The following PKIB variants were observed in gnomAD, a reference collection of about 807,000 sequenced individuals.
PKIB encodes the protein PKI-beta.
In PKIB, 2 loss-of-function variants were observed where a neutral mutation model predicts 4.5. The observed-to-expected ratio is 0.44, with a 90% CI of 0.18 to 1.39. PKIB has a LOEUF of 1.39. Ranked by LOEUF, PKIB falls within the 40% of genes most tolerant of loss-of-function variation. PKIB has a pLI of 0.27. For synonymous variants in PKIB, 38 were observed against 36.0 expected, an observed-to-expected ratio of 1.06 and a Z score of -0.20; for missense variants, 94 against 92.6, an observed-to-expected ratio of 1.02 and a Z score of -0.06.
At chr6:122,494,846 G>A (rs1221750169) in intron 2 of PKIB, among the ~76,000 whole-genome samples, 1 of 151,918 alleles carries the variant, frequency 6.6e-6, no homozygotes, top group Admixed American at 6.6e-5. Flanking sequence ...TGTCCCCAGA[G>A]GATCCACACT....
chr6:122,536,922 C>T (rs1428171541), intron 2 of PKIB, among the ~76,000 whole-genome samples: 5 of 146,518 alleles, frequency 3.4e-5, no homozygotes, highest in Non-Finnish European at 4.5e-5. Flanking sequence ...TTTTAACCAA[C>T]GAACCTCAAA....
intron 2 of PKIB, among the ~76,000 whole-genome samples, chr6:122,562,685 G>A (rs532084842): frequency 7.2e-5 from 11 of 152,152 alleles, no homozygotes; most frequent in Admixed American, 2.6e-4. Context: ...TTATTGGATT[G>A]GGTTAATTAG....
intron 3 of PKIB, among the ~76,000 whole-genome samples, chr6:122,693,880 C>G (rs1778449509): frequency 6.6e-6 from 1 of 152,090 alleles, no homozygotes; most frequent in South Asian, 2.1e-4. Flanking sequence ...GTAAAAAACT[C>G]TAGGAGATGA....
intron 2 of PKIB, among the ~76,000 whole-genome samples, chr6:122,554,733 G>A (rs143180893): frequency 5.4e-4 from 82 of 152,154 alleles, no homozygotes; most frequent in East Asian, 1.9e-3. Context: ...TTAATAAACA[G>A]GTCAATTCTT....
intron 1 of PKIB, among the ~76,000 whole-genome samples, chr6:122,626,888 C>T (rs1775466733): frequency 6.6e-6 from 1 of 151,812 alleles, no homozygotes; most frequent in Non-Finnish European, 1.5e-5. Flanking sequence ...TTTTCTTTAC[C>T]TGATAACAGC....
At chr6:122,723,448 T>C (rs1779819355) in intron 4 of PKIB, among the ~76,000 whole-genome samples, 1 of 152,170 alleles carries the variant, frequency 6.6e-6, no homozygotes, top group South Asian at 2.1e-4. Flanking sequence ...GCCAAAAATA[T>C]TGGAATCATC....
intron 2 of PKIB, among the ~76,000 whole-genome samples, chr6:122,522,105 C>T (rs1776962520): frequency 6.6e-6 from 1 of 151,834 alleles, no homozygotes. Flanking sequence ...ACATCATTTC[C>T]ATATTCTAAA....
chr6:122,688,165 A>G (rs1778167461), intron 3 of PKIB, among the ~76,000 whole-genome samples: 1 of 152,120 alleles, frequency 6.6e-6, no homozygotes, highest in African/African-American at 2.4e-5. Context: ...TCATGAAAGG[A>G]TGTTGAATTT....
chr6:122,564,117 G>A (rs559718473), intron 2 of PKIB, among the ~76,000 whole-genome samples: 2 of 152,170 alleles, frequency 1.3e-5, no homozygotes, highest in Non-Finnish European at 2.9e-5. Flanking sequence ...AACTTTTCCA[G>A]TGGATATGTG....
chr6:122,688,782 CTT>C (rs34877015), intron 3 of PKIB, among the ~76,000 whole-genome samples: 1,458 of 139,014 alleles, frequency 0.01, 9 homozygotes, highest in Middle Eastern at 0.019. Context: ...ATGAGCCTTT[CTT>C]TTTTTTTTTT....
chr6:122,701,530 G>T, intron 3 of PKIB: 1 of 1,588,686 alleles, frequency 6.3e-7, no homozygotes, highest in Non-Finnish European at 8.6e-7. Flanking sequence ...TCTTCTTGGG[G>T]ACAAGAGCAT....
chr6:122,676,145 G>T (rs1777664513), intron 3 of PKIB, among the ~76,000 whole-genome samples: 1 of 151,620 alleles, frequency 6.6e-6, no homozygotes, highest in South Asian at 2.1e-4. Context: ...GCAACTAGAT[G>T]GTCCTATCTG....
At chr6:122,647,306 G>T (rs971138568) in intron 2 of PKIB, among the ~76,000 whole-genome samples, 15 of 152,190 alleles carry the variant, frequency 9.9e-5, no homozygotes, top group African/African-American at 3.4e-4. Context: ...ATTGATTGCA[G>T]ATATTAGTCA....
At chr6:122,543,204 T>G (rs1777663246) in intron 2 of PKIB, among the ~76,000 whole-genome samples, 1 of 151,974 alleles carries the variant, frequency 6.6e-6, no homozygotes, top group Admixed American at 6.6e-5. Flanking sequence ...GGCTCATGCA[T>G]GGTGTGCTGC....
intron 2 of PKIB, among the ~76,000 whole-genome samples, chr6:122,576,711 T>TATATATATATATATATA (rs1554221348): frequency 6.6e-5 from 5 of 75,670 alleles, no homozygotes; most frequent in Admixed American, 1.1e-4. Context: ...TATATATATA[T>TATATATATATATATATA]TTTCTTTTGT....
At chr6:122,541,528 T>G (rs1206097936) in intron 2 of PKIB, among the ~76,000 whole-genome samples, 3 of 152,178 alleles carry the variant, frequency 2.0e-5, no homozygotes, top group African/African-American at 7.2e-5. Context: ...TCTTCTGTCT[T>G]GTAGAGTTTC....
At chr6:122,662,288 CTTCT>C (rs1360513529) in intron 2 of PKIB, among the ~76,000 whole-genome samples, 2 of 90,286 alleles carry the variant, frequency 2.2e-5, no homozygotes, top group Non-Finnish European at 4.7e-5. Flanking sequence ...TTTCTCTCTC[CTTCT>C]TTCTTTCCTT....
intron 2 of PKIB, among the ~76,000 whole-genome samples, chr6:122,500,894 G>A (rs1034543231): frequency 6.6e-6 from 1 of 152,130 alleles, no homozygotes; most frequent in African/African-American, 2.4e-5. Flanking sequence ...AGGAGAGAGA[G>A]AGCAAAGGTG....
intron 2 of PKIB, among the ~76,000 whole-genome samples, chr6:122,501,805 T>C (rs1305538138): frequency 6.6e-6 from 1 of 152,126 alleles, no homozygotes; most frequent in East Asian, 1.9e-4. Context: ...CCTCAGAAAA[T>C]GGATTTTTCT....
Sources: allele counts gnomAD v4.1 joint callset (sites outside exome capture counted in the v4.1 genomes callset), GRCh38; gene constraint gnomAD v4.1.1; transcripts MANE v1.5; gene names NCBI Gene and HGNC (gene_info 2026-07-23, HGNC 2026-07-21).